Variants in ARHGAP15 observed in about 807,000 individuals in gnomAD.
ARHGAP15 encodes Rho GTPase activating protein 15, also known as rho GTPase-activating protein 15.
In ARHGAP15, 51 loss-of-function variants were observed where a neutral mutation model predicts 63.7. That is an observed-to-expected ratio of 0.80 (90% CI 0.64 to 1.01). ARHGAP15 has a LOEUF of 1.01. Among genes scored for constraint, ARHGAP15 ranks in the 50% least tolerant of loss-of-function variants. The probability of loss-of-function intolerance (pLI) is 0.00; values close to 1 mark genes in which losing one functional copy is unlikely to be tolerated. For missense variants in ARHGAP15, 560 were observed against 564.6 expected (o/e 0.99, Z 0.08); for synonymous variants, 191 against 193.8 (o/e 0.99, Z 0.12).
chr2:143,744,405 G>A (rs1184839492), intron 13 of ARHGAP15, among the ~76,000 whole-genome samples: 1 of 152,190 alleles, frequency 6.6e-6, no homozygotes, highest in Admixed American at 6.5e-5. Context: ...ATAAAGAAAA[G>A]CACCATAAGT....
chr2:143,171,121 A>C (rs985409825), intron 2 of ARHGAP15, among the ~76,000 whole-genome samples: 1 of 152,150 alleles, frequency 6.6e-6, no homozygotes, highest in African/African-American at 2.4e-5. Flanking sequence ...CATAAAGCTA[A>C]AGGAGCTGAA....
chr2:143,507,089 TAA>T (rs1453458316), intron 9 of ARHGAP15, among the ~76,000 whole-genome samples: 1 of 152,172 alleles, frequency 6.6e-6, no homozygotes, highest in Non-Finnish European at 1.5e-5. Context: ...TCCTACCGTG[TAA>T]AGTTTTGTTG....
At chr2:143,556,294 T>C (rs1695794622) in intron 10 of ARHGAP15, 114 bp from the exon 11 acceptor site, 4 of 721,460 alleles carry the variant, frequency 5.5e-6, no homozygotes, top group African/African-American at 1.8e-5. Context: ...AACACACAAA[T>C]TGGTTTTATC....
intron 12 of ARHGAP15, among the ~76,000 whole-genome samples, chr2:143,625,465 TTGCTGCTGC>T (rs141782073): frequency 6.6e-6 from 1 of 151,312 alleles, no homozygotes; most frequent in Non-Finnish European, 1.5e-5. Flanking sequence ...GTTGTTGCTA[TTGCTGCTGC>T]TGCTGCTGCT....
intron 13 of ARHGAP15, among the ~76,000 whole-genome samples, chr2:143,716,817 C>A (rs549242679): frequency 6.6e-6 from 1 of 152,360 alleles, no homozygotes; most frequent in South Asian, 2.1e-4. Context: ...GAGGCACAGG[C>A]CAATCCCTCA....
At chr2:143,566,318 A>G (rs147012936) in intron 11 of ARHGAP15, among the ~76,000 whole-genome samples, 4 of 152,130 alleles carry the variant, frequency 2.6e-5, no homozygotes, top group African/African-American at 9.6e-5. Context: ...TGGAAGGGAG[A>G]GATGAGCTCC....
chr2:143,548,398 C>T (rs776136801), intron 10 of ARHGAP15, among the ~76,000 whole-genome samples: 23 of 151,704 alleles, frequency 1.5e-4, no homozygotes, highest in African/African-American at 5.3e-4. Flanking sequence ...TGTGCTCTTT[C>T]GAGGTATTTA....
chr2:143,721,480 G>A lies in ARHGAP15; in HGVS notation c.1244+17956G>A, dbSNP rs148107180. ...TGCCTACTCTGCAAAGTGTCCAGCTGTAGTGCTGTGGCAGGGGGATATCAG... is the reference window on the plus strand; with the variant it reads ...TGCCTACTCTGCAAAGTGTCCAGCTATAGTGCTGTGGCAGGGGGATATCAG... On this transcript the variant is annotated intron_variant, in intron 13 of 13. Transcript: ENST00000295095. Among the ~76,000 whole-genome samples, 521 of 152,316 alleles carry A rather than the reference G, an allele frequency of 3.4e-3. 6 individuals are homozygous for A. The highest frequency in any genetic ancestry group is 0.012 in the African/African-American group (495 of 41,570).
rs971891876 is a variant in ARHGAP15 at position 143,717,758 on chromosome 2, G to A, written c.1244+14234G>A. Among the ~76,000 whole-genome samples, 3 of 152,216 alleles carry A rather than the reference G, an allele frequency of 2.0e-5. No homozygotes were observed. The East Asian group carries it at 5.8e-4, about 29-fold the overall frequency. ...CACACCATGAACAAAAGAGCATCAC[G>A]GGGCTGGGAAAGACGAGACCATGCT... On this transcript the variant is annotated intron_variant, in intron 13 of 13. Coordinates refer to ENST00000295095, the MANE Select transcript of ARHGAP15 (RefSeq NM_018460.4).
At chr2:143,765,605 G>A (rs1438112590) in intron 13 of ARHGAP15, among the ~76,000 whole-genome samples, 2 of 152,098 alleles carry the variant, frequency 1.3e-5, no homozygotes, top group Non-Finnish European at 2.9e-5. Context: ...AGTGATTTTG[G>A]CCACAAGAAA....
At chr2:143,208,311 G>T (rs1311316010) in intron 3 of ARHGAP15, among the ~76,000 whole-genome samples, 2 of 152,182 alleles carry the variant, frequency 1.3e-5, no homozygotes, top group Non-Finnish European at 2.9e-5. Context: ...CCACCATGTT[G>T]TAGGACAATT....
At chr2:143,423,722 T>A (rs959800666) in intron 6 of ARHGAP15, among the ~76,000 whole-genome samples, 1 of 152,114 alleles carries the variant, frequency 6.6e-6, no homozygotes, top group Non-Finnish European at 1.5e-5. Flanking sequence ...ATAAGTGAAA[T>A]CAAATAATAA....
At chr2:143,172,112 T>C (rs995898420) in intron 2 of ARHGAP15, 6 of 152,124 alleles carry the variant, frequency 3.9e-5, no homozygotes, top group African/African-American at 9.7e-5. Flanking sequence ...CTCTTTTAAA[T>C]AGCTTCCATG....
intron 4 of ARHGAP15, among the ~76,000 whole-genome samples, chr2:143,224,441 C>T (rs1201952914): frequency 1.3e-5 from 2 of 151,992 alleles, no homozygotes; most frequent in Non-Finnish European, 1.5e-5. Context: ...ACAGTATGCC[C>T]AGTACTGGAA....
chr2:143,479,122 A>G (rs1381638402), intron 8 of ARHGAP15, among the ~76,000 whole-genome samples: 1 of 152,228 alleles, frequency 6.6e-6, no homozygotes, highest in Non-Finnish European at 1.5e-5. Context: ...GTATACATGG[A>G]AAGAGTATTT....
rs773769246 is a variant in ARHGAP15, at chr2:143,519,257, CT to C, written c.827-5del. On this transcript the variant is annotated splice_region_variant and splice_polypyrimidine_tract_variant and intron_variant, in intron 9 of 13. Coordinates refer to ENST00000295095, the MANE Select transcript of ARHGAP15 (RefSeq NM_018460.4). ...ATTTTAATGAAGCTCATCTTTGTTTCTTTTGCAGATCAAATTTTTGGCTCTC... is the reference window on the plus strand; with the variant it reads ...ATTTTAATGAAGCTCATCTTTGTTTCTTTGCAGATCAAATTTTTGGCTCTC... 15 of 1,602,910 alleles carry C rather than the reference CT, an allele frequency of 9.4e-6. No homozygotes were observed. In the African/African-American group the frequency reaches 1.7e-4, roughly 19 times the overall value.
intron 13 of ARHGAP15, among the ~76,000 whole-genome samples, chr2:143,733,877 T>C (rs1167686600): frequency 6.6e-6 from 1 of 152,216 alleles, no homozygotes; most frequent in Non-Finnish European, 1.5e-5. Context: ...GTCCATAATC[T>C]ATAATATCTA....
intron 6 of ARHGAP15, among the ~76,000 whole-genome samples, chr2:143,321,590 G>A (rs182258097): frequency 3.1e-4 from 47 of 152,338 alleles, no homozygotes; most frequent in Middle Eastern, 3.4e-3. Context: ...TTTTCTTCTG[G>A]ACTGAGATCC....
At chr2:143,577,838 G>A (rs1696733250) in intron 11 of ARHGAP15, among the ~76,000 whole-genome samples, 1 of 152,112 alleles carries the variant, frequency 6.6e-6, no homozygotes, top group African/African-American at 2.4e-5. Flanking sequence ...AGTATAAGGA[G>A]GGGGATACTC....
Sources: gnomAD v4.1 joint callset for allele counts (sites outside exome capture counted in the v4.1 genomes callset) on GRCh38, gnomAD v4.1.1 for gene constraint, MANE v1.5 for transcripts, NCBI Gene and HGNC (gene_info 2026-07-23, HGNC 2026-07-21) for gene names.